The following GRM7 variants were observed in gnomAD, a reference collection of about 807,000 sequenced individuals.
GRM7 encodes the protein metabotropic glutamate receptor 7.
Under a neutral mutation model 84.5 loss-of-function variants are expected in GRM7, and 35 were observed. That is an observed-to-expected ratio of 0.41 (90% CI 0.32 to 0.55). The LOEUF is 0.55. Ranked by LOEUF, GRM7 falls within the 20% of genes least tolerant of loss-of-function variation. The pLI, the probability that GRM7 is intolerant of heterozygous loss-of-function variation, is 0.19. For synonymous variants in GRM7, 487 were observed against 455.1 expected, an observed-to-expected ratio of 1.07 and a Z score of -0.89; for missense variants, 1,003 against 1,194.6, an observed-to-expected ratio of 0.84 and a Z score of 2.36.
At chr3:7,184,770 A>G (rs1695459128) in intron 2 of GRM7, among the ~76,000 whole-genome samples, 2 of 152,134 alleles carry the variant, frequency 1.3e-5, no homozygotes, top group South Asian at 4.1e-4. Flanking sequence ...GTTGTGGCGG[A>G]TACTCCTTAC....
chr3:7,047,919 A>G (rs1346661887), intron 1 of GRM7, among the ~76,000 whole-genome samples: 2 of 151,988 alleles, frequency 1.3e-5, no homozygotes, highest in African/African-American at 2.4e-5. Flanking sequence ...ATGTCATTAG[A>G]TGCCTGGTGC....
At chr3:7,588,463 A>G (rs1695623528) in intron 8 of GRM7, among the ~76,000 whole-genome samples, 5 of 152,220 alleles carry the variant, frequency 3.3e-5, no homozygotes, top group Non-Finnish European at 5.9e-5. Flanking sequence ...TAAAGCACTG[A>G]GAAGTGAGCA....
At chr3:7,395,826 A>ATGAAC (rs1464247654) in intron 4 of GRM7, among the ~76,000 whole-genome samples, 1 of 152,202 alleles carries the variant, frequency 6.6e-6, no homozygotes, top group East Asian at 1.9e-4. Flanking sequence ...CAGCGTGAGA[A>ATGAAC]TGAACTAATA....
intron 6 of GRM7, among the ~76,000 whole-genome samples, chr3:7,456,375 A>G (rs944862488): frequency 6.6e-6 from 1 of 152,052 alleles, no homozygotes; most frequent in African/African-American, 2.4e-5. Context: ...TGTGCCAGAA[A>G]CTGCTAAACA....
At chr3:7,580,650 A>G (rs1049169507) in intron 8 of GRM7, among the ~76,000 whole-genome samples, 2 of 152,180 alleles carry the variant, frequency 1.3e-5, no homozygotes, top group Non-Finnish European at 1.5e-5. Flanking sequence ...ATTTCATGAA[A>G]CCACACAGAA....
At chr3:7,158,680 T>G (rs796222840) in intron 2 of GRM7, among the ~76,000 whole-genome samples, 15 of 152,284 alleles carry the variant, frequency 9.9e-5, no homozygotes, top group African/African-American at 3.6e-4. Flanking sequence ...GAGCTTATAA[T>G]ACAGTCCCAT....
chr3:7,471,946 G>A (rs1249821167), intron 7 of GRM7, among the ~76,000 whole-genome samples: 1 of 152,160 alleles, frequency 6.6e-6, no homozygotes, highest in African/African-American at 2.4e-5. Context: ...TTCCCAGTGT[G>A]GTGGTGTTGG....
intron 1 of GRM7, among the ~76,000 whole-genome samples, chr3:7,105,211 A>G (rs1450944682): frequency 4.0e-5 from 6 of 151,858 alleles, no homozygotes; most frequent in South Asian, 4.1e-4. Flanking sequence ...TAATGTGTAG[A>G]AAGTGAAGAC....
chr3:7,701,971 T>C (rs149803050), intron 9 of GRM7, among the ~76,000 whole-genome samples: 120 of 152,302 alleles, frequency 7.9e-4, no homozygotes, highest in African/African-American at 2.9e-3. Context: ...GGAGTTTCAA[T>C]GCATGCATTT....
At chr3:7,733,647 A>C (rs919992950) in intron 9 of GRM7, among the ~76,000 whole-genome samples, 3 of 152,156 alleles carry the variant, frequency 2.0e-5, no homozygotes, top group Admixed American at 2.0e-4. Flanking sequence ...TATTTTACCC[A>C]GTCCCTATTC....
At chr3:7,724,034 C>T (rs1439618292) in intron 9 of GRM7, among the ~76,000 whole-genome samples, 2 of 152,106 alleles carry the variant, frequency 1.3e-5, no homozygotes, top group Non-Finnish European at 1.5e-5. Flanking sequence ...ACGAAGACAA[C>T]AGAAAGCACG....
At chr3:7,285,944 G>A (rs1699416494) in intron 2 of GRM7, among the ~76,000 whole-genome samples, 1 of 152,120 alleles carries the variant, frequency 6.6e-6, no homozygotes, top group East Asian at 1.9e-4. Context: ...AATGTGGGTT[G>A]AGTCCACACA....
intron 2 of GRM7, among the ~76,000 whole-genome samples, chr3:7,187,878 C>T (rs1169021026): frequency 6.6e-6 from 1 of 152,218 alleles, no homozygotes; most frequent in East Asian, 1.9e-4. Flanking sequence ...CAATGTGGTT[C>T]GGTGTCCAAG....
chr3:7,123,858 G>C (rs1408322558), intron 1 of GRM7, among the ~76,000 whole-genome samples: 1 of 152,108 alleles, frequency 6.6e-6, no homozygotes, highest in Non-Finnish European at 1.5e-5. Context: ...GATCAATTTG[G>C]TCTGCTGCTT....
intron 1 of GRM7, among the ~76,000 whole-genome samples, chr3:7,025,830 C>T (rs1186748370): frequency 6.6e-6 from 1 of 152,124 alleles, no homozygotes; most frequent in Non-Finnish European, 1.5e-5. Flanking sequence ...CATCTTTATT[C>T]AAAAGGTAAA....
intron 8 of GRM7, among the ~76,000 whole-genome samples, chr3:7,654,614 G>A (rs567817273): frequency 6.6e-6 from 1 of 152,154 alleles, no homozygotes; most frequent in African/African-American, 2.4e-5. Flanking sequence ...GAAGCTCTGG[G>A]TTTGAAGCCC....
chr3:6,965,378 T>C (rs961457253), intron 1 of GRM7, among the ~76,000 whole-genome samples: 7 of 152,096 alleles, frequency 4.6e-5, no homozygotes, highest in African/African-American at 1.7e-4. Flanking sequence ...AGTGCAGTGA[T>C]GTGATCGTGG....
At chr3:7,371,836 T>C (rs961828488) in intron 4 of GRM7, among the ~76,000 whole-genome samples, 14 of 152,300 alleles carry the variant, frequency 9.2e-5, no homozygotes, top group African/African-American at 3.4e-4. Context: ...AATACTTTTC[T>C]AACAGGCACA....
At chr3:7,641,237 T>C (rs17724271) in intron 8 of GRM7, among the ~76,000 whole-genome samples, 20,340 of 152,178 alleles carry the variant, frequency 0.13, 1,634 homozygotes, top group Non-Finnish European at 0.18. Flanking sequence ...CCCTCTGCCA[T>C]TGTAGTAATA....
Sources: allele counts gnomAD v4.1 joint callset (sites outside exome capture counted in the v4.1 genomes callset), GRCh38; gene constraint gnomAD v4.1.1; transcripts MANE v1.5; gene names NCBI Gene and HGNC (gene_info 2026-07-23, HGNC 2026-07-21).